The following PTPRD variants were observed in gnomAD, a reference collection of about 807,000 sequenced individuals.
The protein encoded by PTPRD is protein tyrosine phosphatase receptor type D.
Under a neutral mutation model 214.5 loss-of-function variants are expected in PTPRD, and 34 were observed. That is an observed-to-expected ratio of 0.16 (90% CI 0.12 to 0.21). The LOEUF (loss-of-function observed/expected upper bound fraction) is 0.21. PTPRD is among the 10% of genes least tolerant of loss of function. The pLI is 1.00. For synonymous variants in PTPRD, 1,128 were observed against 845.7 expected, an observed-to-expected ratio of 1.33 and a Z score of -5.79; for missense variants, 2,545 against 2,398.7, an observed-to-expected ratio of 1.06 and a Z score of -1.27.
intron 2 of PTPRD, among the ~76,000 whole-genome samples, chr9:10,421,628 A>G (rs1026157487): frequency 6.6e-6 from 1 of 151,900 alleles, no homozygotes; most frequent in Non-Finnish European, 1.5e-5. Flanking sequence ...AGCATTGCAT[A>G]CCATATATCA....
chr9:8,581,861 CGAGTTCCTGTCACTGCACTCCAGCCTG>C (rs981899950), intron 14 of PTPRD, among the ~76,000 whole-genome samples: 9 of 120,816 alleles, frequency 7.4e-5, no homozygotes, highest in Admixed American at 5.7e-4. Context: ...GAGGTGGAGG[CGAGTTCCTGTCACTGCACTCCAGCCTG>C]GATGACAGAG....
intron 3 of PTPRD, among the ~76,000 whole-genome samples, chr9:10,318,679 C>T (rs2096492260): frequency 1.3e-5 from 2 of 152,028 alleles, no homozygotes; most frequent in South Asian, 4.1e-4. Context: ...GTGGCACGAT[C>T]TTGGCTCACT....
chr9:10,550,126 T>C (rs192131223), intron 2 of PTPRD, among the ~76,000 whole-genome samples: 12 of 152,288 alleles, frequency 7.9e-5, no homozygotes, highest in African/African-American at 2.4e-4. Context: ...CAAATGCAAA[T>C]GCAAAGCTGC....
At chr9:9,931,272 C>T (rs1047087545) in intron 5 of PTPRD, among the ~76,000 whole-genome samples, 26 of 152,152 alleles carry the variant, frequency 1.7e-4, no homozygotes, top group African/African-American at 5.1e-4. Flanking sequence ...CCAGCGTGAG[C>T]GACGCAGAAG....
chr9:10,071,104 G>T (rs2098003255), intron 3 of PTPRD, among the ~76,000 whole-genome samples: 2 of 152,090 alleles, frequency 1.3e-5, no homozygotes, highest in East Asian at 1.9e-4. Context: ...TCTGATGAAA[G>T]AAATCAAAGA....
rs1360837035 is a variant in PTPRD, at chr9:8,373,854, GTGTC to G, written c.4661+2078_4661+2081del. Among the ~76,000 whole-genome samples, 46 of 129,248 alleles carry G rather than the reference GTGTC, an allele frequency of 3.6e-4. 1 individual carries two copies. Among genetic ancestry groups the G allele is most frequent in the Middle Eastern group, 4.1e-3 (1 of 244 alleles). 84.8% of individuals were successfully genotyped at this position (129,248 alleles called of 152,430 possible). On this transcript the variant is annotated intron_variant, in intron 39 of 45. Coordinates refer to ENST00000381196, the MANE Select transcript of PTPRD (RefSeq NM_002839.4). Reference sequence around the variant, plus strand: ...TATGTATGTATGTATGTATGTGTATGTGTCTGTCTGTCTATCTATCTATCTATCT... The same window carrying G: ...TATGTATGTATGTATGTATGTGTATGTGTCTGTCTATCTATCTATCTATCT...
chr9:9,858,367 G>A (rs746498058), intron 5 of PTPRD, among the ~76,000 whole-genome samples: 1 of 152,152 alleles, frequency 6.6e-6, no homozygotes, highest in Non-Finnish European at 1.5e-5. Context: ...AATAGTGCCT[G>A]TGACTTCAAA....
chr9:8,835,015 G>T (rs899596313), intron 11 of PTPRD, among the ~76,000 whole-genome samples: 1 of 152,206 alleles, frequency 6.6e-6, no homozygotes, highest in Non-Finnish European at 1.5e-5. Flanking sequence ...CTAACTGCAT[G>T]AAAAGAGTAC....
chr9:8,322,755 T>C lies in PTPRD; in HGVS notation c.5535-2789A>G, dbSNP rs150050319. On this transcript the variant is annotated intron_variant, in intron 44 of 45. Transcript: ENST00000381196. ...TACATTAAAAAAGAGATCTTCAATGTAGACAAACATCATTATATTGGAAGA... is the reference window on the plus strand; with the variant it reads ...TACATTAAAAAAGAGATCTTCAATGCAGACAAACATCATTATATTGGAAGA... Among the ~76,000 whole-genome samples, 387 of 152,300 alleles carry C rather than the reference T, an allele frequency of 2.5e-3. 8 individuals carry two copies. In the East Asian group the frequency reaches 0.06, roughly 24 times the overall value.
intron 7 of PTPRD, among the ~76,000 whole-genome samples, chr9:9,643,377 C>T (rs1329836945): frequency 2.0e-5 from 3 of 152,036 alleles, no homozygotes; most frequent in Non-Finnish European, 4.4e-5. Flanking sequence ...GAACATAGGG[C>T]CTCAATCACT....
chr9:10,033,603 T>A (rs1390307745), intron 4 of PTPRD, 115 bp downstream of exon 4: 1 of 152,132 alleles, frequency 6.6e-6, no homozygotes, highest in Non-Finnish European at 1.5e-5. Context: ...ATTCTGTAAT[T>A]AGTCAAGCAA....
chr9:9,676,493 A>T (rs529159442), intron 7 of PTPRD, among the ~76,000 whole-genome samples: 1 of 151,992 alleles, frequency 6.6e-6, no homozygotes, highest in Non-Finnish European at 1.5e-5. Flanking sequence ...TCCATGGTGT[A>T]TATGTGCCAC....
chr9:10,324,979 G>A (rs900364931), intron 3 of PTPRD, among the ~76,000 whole-genome samples: 1 of 151,818 alleles, frequency 6.6e-6, no homozygotes, highest in Admixed American at 6.6e-5. Flanking sequence ...TTAAATGAGG[G>A]CCATAATACA....
rs1185795827 is a variant in PTPRD at position 10,103,377 on chromosome 9, T to TTATA, written c.-544-69591_-544-69588dup. On this transcript the variant is annotated intron_variant, in intron 3 of 45. Coordinates refer to ENST00000381196, the MANE Select transcript of PTPRD (RefSeq NM_002839.4). ...GAGTTATGACATTTTAAACTGCATA[T>TTATA]TATATATATATATATATTTATTTAA... 9.9e-3 allele frequency among the ~76,000 whole-genome samples: 715 copies of TTATA among 72,418 alleles called. 35 individuals are homozygous for TTATA. The highest frequency in any genetic ancestry group is 0.035 in the South Asian group (109 of 3,094). The allele number at this position is 72,418 out of a possible 152,430, so 47.5% of individuals were successfully genotyped here. A position where few individuals can be genotyped will look rare whatever the true frequency, so the allele number is the denominator to read the frequency against.
intron 10 of PTPRD, among the ~76,000 whole-genome samples, chr9:9,020,210 A>G (rs1289270374): frequency 2.0e-5 from 3 of 152,210 alleles, no homozygotes; most frequent in African/African-American, 7.2e-5. Context: ...TGATAATTAT[A>G]CCTTAATAAA....
chr9:9,181,647 T>A (rs998413765), intron 10 of PTPRD, among the ~76,000 whole-genome samples: 9 of 151,978 alleles, frequency 5.9e-5, no homozygotes, highest in Non-Finnish European at 1.2e-4. Flanking sequence ...AGGCACAAAT[T>A]TGCACAGTTT....
At chr9:10,360,957 C>T (rs531580266) in intron 2 of PTPRD, among the ~76,000 whole-genome samples, 5 of 152,120 alleles carry the variant, frequency 3.3e-5, no homozygotes, top group Non-Finnish European at 7.4e-5. Context: ...AAAAAATTAG[C>T]CGGGCGTGGT....
intron 2 of PTPRD, among the ~76,000 whole-genome samples, chr9:10,524,009 A>C (rs939452005): frequency 6.6e-6 from 1 of 152,150 alleles, no homozygotes; most frequent in South Asian, 2.1e-4. Context: ...CAACATGGTC[A>C]GTTTAAGCTA....
intron 2 of PTPRD, among the ~76,000 whole-genome samples, chr9:10,423,120 C>A (rs992212544): frequency 2.0e-5 from 3 of 152,018 alleles, no homozygotes; most frequent in African/African-American, 7.2e-5. Context: ...GAATACTATG[C>A]AGCCATAAAA....
Sources: allele counts gnomAD v4.1 joint callset (sites outside exome capture counted in the v4.1 genomes callset), GRCh38; gene constraint gnomAD v4.1.1; transcripts MANE v1.5; gene names NCBI Gene and HGNC (gene_info 2026-07-23, HGNC 2026-07-21).